SNX24: variants seen among roughly 807,000 people sequenced by gnomAD.
SNX24 encodes the protein sorting nexin-24.
SNX24 carries 22 observed loss-of-function variants against 28.7 expected under a neutral mutation model. The observed-to-expected ratio is 0.77, with a 90% confidence interval of 0.55 to 1.10. The LOEUF (loss-of-function observed/expected upper bound fraction) is 1.10. Ranked by LOEUF, SNX24 falls within the 50% of genes least tolerant of loss-of-function variation. The probability of loss-of-function intolerance (pLI) is 0.00; values close to 1 mark genes in which losing one functional copy is unlikely to be tolerated. For synonymous variants in SNX24, 69 were observed against 71.5 expected (o/e 0.96, Z 0.18); for missense variants, 221 against 201.1 (o/e 1.10, Z -0.60).
intron 3 of SNX24, among the ~76,000 whole-genome samples, chr5:122,998,996 G>A (rs1466892506): frequency 6.7e-6 from 1 of 149,974 alleles, no homozygotes; most frequent in Non-Finnish European, 1.5e-5. Context: ...TAGTTGTATT[G>A]AAGTCAGAGA....
intron 1 of SNX24, chr5:122,891,180 T>C: frequency 7.3e-7 from 1 of 1,379,058 alleles, no homozygotes; most frequent in Non-Finnish European, 9.5e-7. Flanking sequence ...TTGTTTTTTT[T>C]CCTAAGTAGT....
intron 1 of SNX24, among the ~76,000 whole-genome samples, chr5:122,863,483 C>T (rs10056335): frequency 0.34 from 52,083 of 151,024 alleles, 9,436 homozygotes; most frequent in African/African-American, 0.42. Flanking sequence ...GAGGGCAGAG[C>T]ATAGGTCTGG....
chr5:122,880,816 G>C (rs1405015511), intron 1 of SNX24, among the ~76,000 whole-genome samples: 2 of 152,112 alleles, frequency 1.3e-5, no homozygotes, highest in African/African-American at 4.8e-5. Flanking sequence ...ATTCAAATCT[G>C]GGAACTCTGC....
At position 122,979,862 on chromosome 5, in the gene SNX24, T is replaced by C. The variant is rs563184798; in HGVS notation, c.250-20050T>C. 1.4e-3 allele frequency among the ~76,000 whole-genome samples: 220 copies of C among 152,346 alleles called. 1 individual carries two copies. The highest frequency in any genetic ancestry group is 4.9e-3 in the African/African-American group (205 of 41,578). On this transcript the variant is annotated intron_variant, in intron 3 of 6. Transcript: ENST00000261369. ...TACCAGTTGTGCCATCTCCATTTAT[T>C]CAGCGGTCCACCCGAATCTTTTGTT...
At chr5:123,019,056 C>G (rs1265639383) in intron 5 of SNX24, among the ~76,000 whole-genome samples, 4 of 152,016 alleles carry the variant, frequency 2.6e-5, no homozygotes, top group African/African-American at 4.8e-5. Context: ...GACTTGATTC[C>G]TGGGACTAGT....
At chr5:122,926,739 G>T (rs1185417305) in intron 1 of SNX24, among the ~76,000 whole-genome samples, 1 of 152,172 alleles carries the variant, frequency 6.6e-6, no homozygotes, top group Non-Finnish European at 1.5e-5. Flanking sequence ...AATGCAGATT[G>T]CAGATACAGA....
chr5:123,025,103 T>A (rs774404849), intron 5 of SNX24, among the ~76,000 whole-genome samples: 2 of 152,266 alleles, frequency 1.3e-5, no homozygotes, highest in Non-Finnish European at 2.9e-5. Context: ...GATGGGATTC[T>A]GGGGTGGTTT....
In SNX24 at chr5:123,008,533, T is replaced by G; in HGVS notation, c.*784T>G. ...TTTGAAGACCAAGTGAAGTTGTTGG[T>G]GTTTGTTTAGGGGCCATTTTGTTAA... is the stretch of plus-strand genomic sequence containing the variant. On this transcript the variant is annotated 3_prime_UTR_variant, in exon 7 of 7. Transcript: ENST00000261369. 6.6e-6 allele frequency: 1 copy of G among 151,188 alleles called. No individual in the cohort carries two copies. Among genetic ancestry groups the G allele is most frequent in the African/African-American group, 2.5e-5 (1 of 39,308 alleles). 9.4% of individuals were successfully genotyped at this position (151,188 alleles called of 1,614,324 possible). A position where few individuals can be genotyped will look rare whatever the true frequency, so the allele number is the denominator to read the frequency against.
At chr5:122,944,933 T>G (rs1246929780) in intron 2 of SNX24, among the ~76,000 whole-genome samples, 1 of 152,228 alleles carries the variant, frequency 6.6e-6, no homozygotes, top group Non-Finnish European at 1.5e-5. Context: ...TTAAGCACAT[T>G]GCACTTAAAG....
intron 3 of SNX24, among the ~76,000 whole-genome samples, chr5:122,969,680 C>G (rs1338285959): frequency 6.6e-6 from 1 of 152,120 alleles, no homozygotes; most frequent in Non-Finnish European, 1.5e-5. Flanking sequence ...GGAAAGACAT[C>G]AGAGCAGTGT....
intron 1 of SNX24, among the ~76,000 whole-genome samples, chr5:122,887,627 C>T (rs1189006315): frequency 5.3e-5 from 8 of 152,084 alleles, no homozygotes; most frequent in Admixed American, 5.2e-4. Context: ...TATAAGATTC[C>T]TCTTCCACTT....
chr5:122,881,541 A>C (rs1482579716), intron 1 of SNX24, among the ~76,000 whole-genome samples: 2 of 152,174 alleles, frequency 1.3e-5, no homozygotes, highest in Non-Finnish European at 2.9e-5. Flanking sequence ...GGCTTAGAGC[A>C]CAGGCTTTAG....
intron 1 of SNX24, among the ~76,000 whole-genome samples, chr5:122,916,529 T>C (rs956217609): frequency 2.6e-5 from 4 of 152,240 alleles, no homozygotes; most frequent in African/African-American, 9.6e-5. Flanking sequence ...ATGCTTTTAT[T>C]CTGAGCCTTG....
At chr5:122,920,406 C>G (rs1031204956) in intron 1 of SNX24, among the ~76,000 whole-genome samples, 1 of 152,170 alleles carries the variant, frequency 6.6e-6, no homozygotes, top group Non-Finnish European at 1.5e-5. Context: ...TGAACAGAAT[C>G]TGATCCTGAA....
chr5:122,969,287 G>A (rs572157002), intron 3 of SNX24, among the ~76,000 whole-genome samples: 145 of 152,278 alleles, frequency 9.5e-4, no homozygotes, highest in Admixed American at 3.7e-3. Context: ...CAGGCTAGAT[G>A]AAGGGCCTCA....
intron 3 of SNX24, among the ~76,000 whole-genome samples, chr5:122,981,441 G>C (rs1338570917): frequency 6.6e-6 from 1 of 152,018 alleles, no homozygotes; most frequent in Non-Finnish European, 1.5e-5. Flanking sequence ...GTTTTACTGA[G>C]GTATAATTTA....
chr5:122,862,637 T>A (rs1180621265), intron 1 of SNX24, among the ~76,000 whole-genome samples: 7 of 144,506 alleles, frequency 4.8e-5, no homozygotes, highest in African/African-American at 5.0e-5. Context: ...GAAGGAAAGA[T>A]AGTCAATTTC....
At chr5:122,874,432 C>G (rs1334972122) in intron 1 of SNX24, among the ~76,000 whole-genome samples, 13 of 152,172 alleles carry the variant, frequency 8.5e-5, no homozygotes, top group Non-Finnish European at 5.9e-5. Flanking sequence ...AGGAAAGCAG[C>G]TGGGTGAGAT....
intron 3 of SNX24, among the ~76,000 whole-genome samples, chr5:122,948,322 T>A (rs939889935): frequency 2.0e-5 from 3 of 152,146 alleles, no homozygotes; most frequent in Non-Finnish European, 4.4e-5. Flanking sequence ...CCATTCATGC[T>A]CAGGACCAGT....
Sources: gnomAD v4.1 joint callset for allele counts (sites outside exome capture counted in the v4.1 genomes callset) on GRCh38, gnomAD v4.1.1 for gene constraint, MANE v1.5 for transcripts, NCBI Gene and HGNC (gene_info 2026-07-23, HGNC 2026-07-21) for gene names.